FOXK2: variants seen among roughly 807,000 people sequenced by gnomAD.
The protein encoded by FOXK2 is forkhead box protein K2.
In FOXK2, 24 loss-of-function variants were observed where a neutral mutation model predicts 53.3. The observed-to-expected ratio is 0.45, with a 90% CI of 0.33 to 0.63. The LOEUF is 0.63. Ranked by LOEUF, FOXK2 falls within the 30% of genes least tolerant of loss-of-function variation. The probability of loss-of-function intolerance (pLI) is 0.03; values close to 1 mark genes in which losing one functional copy is unlikely to be tolerated. For missense variants in FOXK2, 952 were observed against 910.5 expected (o/e 1.05, Z -0.59); for synonymous variants, 505 against 407.1 (o/e 1.24, Z -2.89).
At chr17:82,601,210 C>T in intron 8 of FOXK2, 93 bp from the exon 9 acceptor site, 1 of 1,349,992 alleles carries the variant, frequency 7.4e-7, no homozygotes, top group Non-Finnish European at 1.0e-6. Flanking sequence ...GCGTGGGGTT[C>T]TGACTCGCGA....
chr17:82,547,754 A>G (rs2044640849), intron 1 of FOXK2, among the ~76,000 whole-genome samples: 1 of 152,096 alleles, frequency 6.6e-6, no homozygotes, highest in African/African-American at 2.4e-5. Context: ...CCCTCACCCC[A>G]AACCTTCCTC....
chr17:82,561,075 C>T (rs181552369), intron 1 of FOXK2, among the ~76,000 whole-genome samples: 1 of 152,314 alleles, frequency 6.6e-6, no homozygotes, highest in East Asian at 1.9e-4. Context: ...TGAAGGTGAA[C>T]AAGCAAAGAA....
At chr17:82,528,873 G>A (rs2144046995) in intron 1 of FOXK2, among the ~76,000 whole-genome samples, 1 of 152,348 alleles carries the variant, frequency 6.6e-6, no homozygotes, top group South Asian at 2.1e-4. Context: ...TTTGTCCTGT[G>A]AAGGGCATTG....
At chr17:82,532,182 T>C (rs780896204) in intron 1 of FOXK2, among the ~76,000 whole-genome samples, 7 of 151,616 alleles carry the variant, frequency 4.6e-5, no homozygotes, top group Non-Finnish European at 7.4e-5. Context: ...TTCGCTCTTG[T>C]TGCCTAGGCT....
chr17:82,549,943 C>T (rs897672331), intron 1 of FOXK2, among the ~76,000 whole-genome samples: 3 of 152,206 alleles, frequency 2.0e-5, no homozygotes, highest in Admixed American at 6.5e-5. Flanking sequence ...TGGCTCATGC[C>T]TGTAATGCCA....
intron 1 of FOXK2, among the ~76,000 whole-genome samples, chr17:82,527,148 G>A (rs2044426696): frequency 6.6e-6 from 1 of 152,088 alleles, no homozygotes; most frequent in Non-Finnish European, 1.5e-5. Context: ...ATAGCAGAGG[G>A]CAAATGGCGC....
intron 1 of FOXK2, among the ~76,000 whole-genome samples, chr17:82,531,642 T>G (rs1030489530): frequency 2.6e-5 from 4 of 152,160 alleles, no homozygotes; most frequent in African/African-American, 9.7e-5. Flanking sequence ...ACATGGTGTT[T>G]GTGTATCTAA....
intron 4 of FOXK2, among the ~76,000 whole-genome samples, chr17:82,581,609 G>A (rs1400845894): frequency 2.6e-5 from 4 of 151,862 alleles, no homozygotes; most frequent in African/African-American, 9.7e-5. Flanking sequence ...CCGAGCAACT[G>A]GGACTACAGG....
chr17:82,526,953 G>C (rs2044424575), intron 1 of FOXK2, among the ~76,000 whole-genome samples: 1 of 152,188 alleles, frequency 6.6e-6, no homozygotes, highest in African/African-American at 2.4e-5. Context: ...TGTGTTGTTT[G>C]AAGAGCTGAG....
At chr17:82,573,562 T>TCACACACACA (rs1019671658) in intron 4 of FOXK2, among the ~76,000 whole-genome samples, 23 of 83,370 alleles carry the variant, frequency 2.8e-4, no homozygotes, top group East Asian at 1.2e-3. Flanking sequence ...TCTCTCTCTC[T>TCACACACACA]CACACACACA....
At chr17:82,538,733 C>G (rs745374147) in intron 1 of FOXK2, among the ~76,000 whole-genome samples, 1 of 152,148 alleles carries the variant, frequency 6.6e-6, no homozygotes, top group African/African-American at 2.4e-5. Flanking sequence ...GGCCCTTCCT[C>G]AAGCCCCTCA....
intron 1 of FOXK2, among the ~76,000 whole-genome samples, chr17:82,558,808 G>A (rs1399194435): frequency 1.3e-5 from 2 of 152,064 alleles, no homozygotes; most frequent in Non-Finnish European, 2.9e-5. Flanking sequence ...GTGCAGTGGC[G>A]TGATCTCGGC....
intron 8 of FOXK2, among the ~76,000 whole-genome samples, chr17:82,589,061 A>C (rs558104203): frequency 6.6e-6 from 1 of 152,248 alleles, no homozygotes; most frequent in Admixed American, 6.5e-5. Flanking sequence ...CTGTCTCAAC[A>C]AAAAAAGAAA....
chr17:82,553,116 A>G (rs760608911), intron 1 of FOXK2, among the ~76,000 whole-genome samples: 2 of 152,068 alleles, frequency 1.3e-5, no homozygotes, highest in African/African-American at 4.8e-5. Flanking sequence ...TTGTATTTTT[A>G]GTAGAGATGG....
chr17:82,529,315 C>T (rs758579401), intron 1 of FOXK2, among the ~76,000 whole-genome samples: 1 of 149,834 alleles, frequency 6.7e-6, no homozygotes, highest in East Asian at 1.9e-4. Context: ...GTCCACCTCC[C>T]GGGTTCAAGC....
At chr17:82,584,351 G>C (rs944461258) in intron 6 of FOXK2, among the ~76,000 whole-genome samples, 163 bp downstream of exon 6, 4 of 152,006 alleles carry the variant, frequency 2.6e-5, no homozygotes, top group Middle Eastern at 3.2e-3. Flanking sequence ...AGCACTGGGA[G>C]TGTTTTTTAA....
intron 1 of FOXK2, among the ~76,000 whole-genome samples, chr17:82,553,813 G>A (rs1189984495): frequency 6.6e-6 from 1 of 152,120 alleles, no homozygotes; most frequent in Non-Finnish European, 1.5e-5. Context: ...TGGTGGATGG[G>A]CTGTGGGGCT....
intron 4 of FOXK2, among the ~76,000 whole-genome samples, chr17:82,573,560 T>TCACA (rs1407940714): frequency 3.5e-3 from 358 of 101,860 alleles, no homozygotes; most frequent in East Asian, 6.5e-3. Context: ...TCTCTCTCTC[T>TCACA]CTCACACACA....
intron 8 of FOXK2, among the ~76,000 whole-genome samples, chr17:82,588,654 T>C (rs188751343): frequency 6.6e-6 from 1 of 152,250 alleles, no homozygotes; most frequent in African/African-American, 2.4e-5. Context: ...GCCTGTCTGG[T>C]GTGGGGCCCA....
Sources: allele counts gnomAD v4.1 joint callset (sites outside exome capture counted in the v4.1 genomes callset), GRCh38; gene constraint gnomAD v4.1.1; transcripts MANE v1.5; gene names NCBI Gene and HGNC (gene_info 2026-07-23, HGNC 2026-07-21).